The following THSD7B variants were observed in gnomAD, a reference collection of about 807,000 sequenced individuals.
THSD7B encodes the protein thrombospondin type 1 domain containing 7B.
In THSD7B, 138 loss-of-function variants were observed where a neutral mutation model predicts 213.6. That is an observed-to-expected ratio of 0.65 (90% confidence interval 0.56 to 0.74). THSD7B has a LOEUF of 0.74. THSD7B is among the 30% of genes least tolerant of loss of function. The pLI, the probability that THSD7B is intolerant of heterozygous loss-of-function variation, is 0.00. For missense variants in THSD7B, 1,931 were observed against 1,991.5 expected, an observed-to-expected ratio of 0.97 and a Z score of 0.58; for synonymous variants, 742 against 687.0, an observed-to-expected ratio of 1.08 and a Z score of -1.25.
At chr2:137,533,646 T>C (rs1205734005) in intron 15 of THSD7B, among the ~76,000 whole-genome samples, 1 of 151,968 alleles carries the variant, frequency 6.6e-6, no homozygotes, top group Non-Finnish European at 1.5e-5. Context: ...AAATAACTCT[T>C]CAAAAGAAGA....
At chr2:137,495,499 C>T (rs983014257) in intron 15 of THSD7B, among the ~76,000 whole-genome samples, 3 of 152,152 alleles carry the variant, frequency 2.0e-5, no homozygotes, top group South Asian at 2.1e-4. Context: ...AAGTGTTCTT[C>T]TCAATGCAAA....
chr2:136,768,833 G>T (rs1293002588), intron 1 of THSD7B, among the ~76,000 whole-genome samples: 2 of 152,176 alleles, frequency 1.3e-5, no homozygotes, highest in African/African-American at 4.8e-5. Context: ...AAAAGAAGCT[G>T]CTTCATTAAC....
At chr2:137,541,043 C>T (rs371839694) in intron 15 of THSD7B, among the ~76,000 whole-genome samples, 5 of 151,658 alleles carry the variant, frequency 3.3e-5, no homozygotes, top group Non-Finnish European at 5.9e-5. Context: ...CCAACACATA[C>T]GTATAGCCAC....
chr2:136,777,189 A>G (rs751551342), intron 1 of THSD7B, among the ~76,000 whole-genome samples: 10 of 152,288 alleles, frequency 6.6e-5, no homozygotes, highest in East Asian at 1.9e-4. Flanking sequence ...GAACAAGACC[A>G]AAAACGAATG....
intron 14 of THSD7B, among the ~76,000 whole-genome samples, chr2:137,441,257 C>T (rs1289322268): frequency 6.6e-6 from 1 of 152,072 alleles, no homozygotes; most frequent in East Asian, 1.9e-4. Context: ...TTCTTCATTC[C>T]AGTGCCCCAA....
Position 137,056,686 on chromosome 2 carries a change from C to G in THSD7B, c.406C>G (p.His136Asp). ...GACTGCAGAGTGTGTGACGGCTCAG[C>G]ATGGACTGCAGCACCGGATGGTGCG... ...PRTAECVTAQHGLQHRMVRCI... is the reference protein window; with the variant it reads ...PRTAECVTAQDGLQHRMVRCI... The change falls in exon 3 of 28, where the codon CAT becomes GAT. Residue 136 changes from histidine (H) to aspartate (D), a missense_variant. His to Asp is a moderately conservative substitution (Grantham distance 81). Transcript: ENST00000409968. The G allele has an allele frequency of 1.9e-6, 3 of 1,613,990 alleles. No homozygotes were observed. The highest frequency in any genetic ancestry group is 2.5e-6 in the Non-Finnish European group (3 of 1,179,882).
intron 2 of THSD7B, among the ~76,000 whole-genome samples, chr2:136,908,128 T>C (rs1684197672): frequency 6.6e-6 from 1 of 152,174 alleles, no homozygotes; most frequent in Non-Finnish European, 1.5e-5. Context: ...AGACACATGT[T>C]GCATATGGTT....
chr2:137,228,158 T>TTTTTC (rs10624718), intron 7 of THSD7B, among the ~76,000 whole-genome samples: 7,637 of 149,066 alleles, frequency 0.051, 200 homozygotes, highest in Admixed American at 0.066. Flanking sequence ...TTTTTTTTTT[T>TTTTTC]TCAAGATTTC....
intron 1 of THSD7B, among the ~76,000 whole-genome samples, chr2:136,815,011 TTATC>T (rs1167621141): frequency 1.3e-5 from 2 of 152,222 alleles, no homozygotes; most frequent in Admixed American, 6.5e-5. Context: ...GCTCATTAAT[TTATC>T]TATTCATTCA....
chr2:137,620,461 C>G, intron 19 of THSD7B, 148 bp from the exon 20 acceptor site: 2 of 576,482 alleles, frequency 3.5e-6, no homozygotes, highest in South Asian at 2.5e-5. Context: ...ATGATTGTCA[C>G]CAATTTATAT....
At chr2:136,985,629 C>T (rs1685658036) in intron 2 of THSD7B, among the ~76,000 whole-genome samples, 1 of 152,244 alleles carries the variant, frequency 6.6e-6, no homozygotes, top group Non-Finnish European at 1.5e-5. Context: ...TCATAGAGAA[C>T]TTCTACTACT....
At position 137,316,447 on chromosome 2, in the gene THSD7B, C is replaced by G. The variant is rs144918210; in HGVS notation, c.2500+40421C>G. ...TTTGGAAAAAAGTGATAGGTTCATA[C>G]AAGTGAATCATCTAAATAAGAACTA... On this transcript the variant is annotated intron_variant, in intron 12 of 27. Transcript: ENST00000409968. Among the ~76,000 whole-genome samples, 5 of 152,272 alleles carry G rather than the reference C, an allele frequency of 3.3e-5. No homozygotes were observed. The East Asian group carries it at 7.7e-4, about 24-fold the overall frequency.
rs563192385 is a variant in THSD7B at position 137,126,448 on chromosome 2, T to C, written c.1369+11155T>C. On this transcript the variant is annotated intron_variant, in intron 5 of 27. Transcript: ENST00000409968. ...CCAACCTCTGCTAGCTTTGAAGGTT[T>C]CCCCCACCCCCCTGCCCCACAGCTT... Among the ~76,000 whole-genome samples, 68 of 151,616 alleles carry C rather than the reference T, an allele frequency of 4.5e-4. 1 individual carries two copies. The highest frequency in any genetic ancestry group is 1.6e-3 in the African/African-American group (67 of 41,298).
intron 10 of THSD7B, among the ~76,000 whole-genome samples, chr2:137,247,019 T>G (rs1682055870): frequency 6.6e-6 from 1 of 152,168 alleles, no homozygotes. Flanking sequence ...TGAGAAACAC[T>G]CATTTAATGC....
chr2:137,412,479 A>G (rs11893127), intron 14 of THSD7B, among the ~76,000 whole-genome samples: 12,790 of 146,408 alleles, frequency 0.087, 1,170 homozygotes, highest in African/African-American at 0.23. Context: ...GCATGCCTGT[A>G]ATCCCAGCTA....
intron 5 of THSD7B, among the ~76,000 whole-genome samples, chr2:137,119,708 C>A (rs1451164590): frequency 1.3e-5 from 2 of 151,976 alleles, no homozygotes; most frequent in Non-Finnish European, 2.9e-5. Context: ...AGCCTTTTTT[C>A]CCCCTACTGT....
At chr2:137,130,600 T>C (rs1194069709) in intron 5 of THSD7B, among the ~76,000 whole-genome samples, 1 of 146,612 alleles carries the variant, frequency 6.8e-6, no homozygotes, top group Non-Finnish European at 1.5e-5. Context: ...CATTGTTCAA[T>C]TCCCACCTGT....
At chr2:137,004,094 G>A (rs1434854198) in intron 2 of THSD7B, among the ~76,000 whole-genome samples, 2 of 152,000 alleles carry the variant, frequency 1.3e-5, no homozygotes, top group Non-Finnish European at 2.9e-5. Context: ...GATAGAAAAA[G>A]TATCTAAGAA....
At chr2:136,856,600 G>T (rs1683183774) in intron 1 of THSD7B, among the ~76,000 whole-genome samples, 1 of 150,658 alleles carries the variant, frequency 6.6e-6, no homozygotes, top group Non-Finnish European at 1.5e-5. Flanking sequence ...CAAAACCTCT[G>T]CCTCCTGGGT....
Sources: allele counts gnomAD v4.1 joint callset (sites outside exome capture counted in the v4.1 genomes callset), GRCh38; gene constraint gnomAD v4.1.1; transcripts MANE v1.5; gene names NCBI Gene and HGNC (gene_info 2026-07-23, HGNC 2026-07-21).